Variants in OXSR1 observed in about 807,000 individuals in gnomAD.
OXSR1 encodes the protein oxidative stress responsive kinase 1.
Under a neutral mutation model 79.8 loss-of-function variants are expected in OXSR1, and 24 were observed. That is an observed-to-expected ratio of 0.30 (90% confidence interval 0.22 to 0.42). The LOEUF is 0.42. OXSR1 is among the 10% of genes least tolerant of loss of function. The pLI, the probability that OXSR1 is intolerant of heterozygous loss-of-function variation, is 1.00. For synonymous variants in OXSR1, 226 were observed against 209.2 expected, an observed-to-expected ratio of 1.08 and a Z score of -0.69; for missense variants, 430 against 618.4, an observed-to-expected ratio of 0.70 and a Z score of 3.23.
chr3:38,185,007 G>A (rs1287431057), intron 2 of OXSR1, among the ~76,000 whole-genome samples: 1 of 126,028 alleles, frequency 7.9e-6, no homozygotes, highest in African/African-American at 3.1e-5. Context: ...GCAGTGGCGC[G>A]ATCTCGGCTC....
chr3:38,194,973 T>A (rs1014221459), intron 3 of OXSR1, among the ~76,000 whole-genome samples: 1 of 152,190 alleles, frequency 6.6e-6, no homozygotes, highest in African/African-American at 2.4e-5. Flanking sequence ...GTGTACATCC[T>A]GGTTAAAATA....
At chr3:38,190,640 G>A in intron 2 of OXSR1, 91 bp from the exon 3 acceptor site, 1 of 736,632 alleles carries the variant, frequency 1.4e-6, no homozygotes, top group South Asian at 1.6e-5. Context: ...GTGTGACACA[G>A]TCTTGAGATT....
At chr3:38,199,971 G>A (rs898103966) in intron 4 of OXSR1, among the ~76,000 whole-genome samples, 2 of 152,164 alleles carry the variant, frequency 1.3e-5, no homozygotes, top group African/African-American at 4.8e-5. Flanking sequence ...CTTTGCTCCT[G>A]GGTGGGGAGT....
Position 38,253,293 on chromosome 3 carries a change from A to G in OXSR1, c.*402A>G, listed in dbSNP as rs1703297931. 2 of 180,500 alleles carry G rather than the reference A, an allele frequency of 1.1e-5. No homozygotes were observed. The highest frequency in any genetic ancestry group is 2.3e-5 in the Non-Finnish European group (2 of 85,856). 11.2% of individuals were successfully genotyped at this position (180,500 alleles called of 1,614,324 possible). ...CCCCCACACCTGCCAGGATATGGACATCTTGGGATATCTCTTTACCACTGA... is the reference window on the plus strand; with the variant it reads ...CCCCCACACCTGCCAGGATATGGACGTCTTGGGATATCTCTTTACCACTGA... On this transcript the variant is annotated 3_prime_UTR_variant, in exon 18 of 18. Coordinates refer to ENST00000311806, the MANE Select transcript of OXSR1 (RefSeq NM_005109.3).
intron 2 of OXSR1, among the ~76,000 whole-genome samples, chr3:38,189,233 C>CT (rs1304746656): frequency 1.3e-5 from 2 of 152,088 alleles, no homozygotes; most frequent in African/African-American, 4.8e-5. Flanking sequence ...TAACATTTAT[C>CT]TTTTTTTCCT....
chr3:38,178,615 TA>T lies in OXSR1; in HGVS notation c.71-4387del, dbSNP rs1258121551. ...CACCATATCCAGCTATATATATATA[TA>T]TATATTTTTTTTTTTTTTTTTTTTT... On this transcript the variant is annotated intron_variant, in intron 1 of 17. Transcript: ENST00000311806. Among the ~76,000 whole-genome samples, 810 of 90,358 alleles carry T rather than the reference TA, an allele frequency of 9.0e-3. 6 individuals are homozygous for T. The highest frequency in any genetic ancestry group is 0.012 in the Non-Finnish European group (559 of 46,956). 59.3% of individuals were successfully genotyped at this position (90,358 alleles called of 152,430 possible).
chr3:38,202,149 T>G (rs972716568), intron 4 of OXSR1, among the ~76,000 whole-genome samples: 21 of 152,138 alleles, frequency 1.4e-4, no homozygotes, highest in African/African-American at 5.1e-4. Context: ...AATTTCATAA[T>G]TGGGTCAGTT....
chr3:38,182,742 A>G (rs906404586), intron 1 of OXSR1, among the ~76,000 whole-genome samples: 4 of 152,144 alleles, frequency 2.6e-5, no homozygotes, highest in Non-Finnish European at 5.9e-5. Flanking sequence ...GGAGTGAGGA[A>G]ATGTGAGCCT....
chr3:38,213,663 G>GTTCCTACA (rs1291804817), intron 4 of OXSR1, among the ~76,000 whole-genome samples: 1 of 152,166 alleles, frequency 6.6e-6, no homozygotes, highest in African/African-American at 2.4e-5. Flanking sequence ...GAGGTGTGTA[G>GTTCCTACA]GAACTCCTGT....
rs190039494 is a variant in OXSR1, at chr3:38,180,100, G to A, written c.71-2903G>A. ...TGGGATTACAGGCGTGAGCCACTGT[G>A]CCCAGCCTGATTTTTGTATTTTTAG... On this transcript the variant is annotated intron_variant, in intron 1 of 17. Transcript: ENST00000311806. 3.1e-3 allele frequency among the ~76,000 whole-genome samples: 470 copies of A among 152,190 alleles called. 2 individuals are homozygous for A. The highest frequency in any genetic ancestry group is 6.8e-3 in the Middle Eastern group (2 of 294).
At chr3:38,180,030 T>C (rs899714859) in intron 1 of OXSR1, among the ~76,000 whole-genome samples, 2 of 152,026 alleles carry the variant, frequency 1.3e-5, no homozygotes, top group Non-Finnish European at 2.9e-5. Context: ...ATGGTGTTGA[T>C]CTCCTGACCC....
At chr3:38,189,894 T>C (rs1370143399) in intron 2 of OXSR1, among the ~76,000 whole-genome samples, 2 of 152,164 alleles carry the variant, frequency 1.3e-5, no homozygotes, top group African/African-American at 4.8e-5. Flanking sequence ...GACAGACAGA[T>C]AAGCACACAA....
chr3:38,252,742 C>A, intron 17 of OXSR1, 75 bp from the exon 18 acceptor site: 2 of 1,171,932 alleles, frequency 1.7e-6, no homozygotes, highest in Non-Finnish European at 2.6e-6. Flanking sequence ...TTCCCACTAT[C>A]CCATGTCTGT....
intron 10 of OXSR1, among the ~76,000 whole-genome samples, chr3:38,234,492 G>T (rs933976840): frequency 2.0e-5 from 3 of 152,068 alleles, no homozygotes; most frequent in Non-Finnish European, 4.4e-5. Flanking sequence ...CACATGAAAA[G>T]ATACTCAGTA....
At chr3:38,210,650 A>G (rs899874134) in intron 4 of OXSR1, among the ~76,000 whole-genome samples, 5 of 152,080 alleles carry the variant, frequency 3.3e-5, no homozygotes, top group Non-Finnish European at 5.9e-5. Context: ...TTAAGTTTTT[A>G]TACCCCAGTA....
intron 1 of OXSR1, among the ~76,000 whole-genome samples, chr3:38,174,062 A>C (rs962393005): frequency 3.3e-5 from 5 of 152,204 alleles, no homozygotes; most frequent in African/African-American, 1.2e-4. Context: ...AAGCATGCTA[A>C]TGTGATTAAG....
intron 4 of OXSR1, among the ~76,000 whole-genome samples, chr3:38,208,177 A>G (rs984029178): frequency 2.6e-5 from 4 of 152,038 alleles, no homozygotes; most frequent in African/African-American, 9.7e-5. Context: ...TGCCGGAAAA[A>G]TATTCACAAA....
chr3:38,183,057 A>G lies in OXSR1; in HGVS notation c.125A>G (p.Lys42Arg). 1 of 1,613,280 alleles carries G rather than the reference A, an allele frequency of 6.2e-7. No individual in the cohort carries two copies. Among genetic ancestry groups the G allele is most frequent in the South Asian group, 1.1e-5 (1 of 90,968 alleles). ...GCTTATTGTGCCCCTAAAAAGGAGA[A>G]AGTGGCAATCAAACGGATAAACCTT... ...QAAYCAPKKE[K>R]VAIKRINLEK... Residue 42 changes from lysine to arginine, a missense_variant, in exon 2 of 18, where the codon AAA (lysine) becomes AGA (arginine). By Grantham distance (26) the Lys-to-Arg change is conservative. Coordinates refer to ENST00000311806, the MANE Select transcript of OXSR1 (RefSeq NM_005109.3).
At chr3:38,206,445 G>A (rs1385587739) in intron 4 of OXSR1, among the ~76,000 whole-genome samples, 1 of 149,108 alleles carries the variant, frequency 6.7e-6, no homozygotes, top group Non-Finnish European at 1.5e-5. Flanking sequence ...AAATAAAGCA[G>A]AAACTGAATT....
Sources: allele counts gnomAD v4.1 joint callset (sites outside exome capture counted in the v4.1 genomes callset), GRCh38; gene constraint gnomAD v4.1.1; transcripts MANE v1.5; gene names NCBI Gene and HGNC (gene_info 2026-07-23, HGNC 2026-07-21).